The following KIF26B variants were observed in gnomAD, a reference collection of about 807,000 sequenced individuals.
KIF26B encodes the protein kinesin-like protein KIF26B.
Under a neutral mutation model 151.2 loss-of-function variants are expected in KIF26B, and 63 were observed. The observed-to-expected ratio is 0.42, with a 90% CI of 0.34 to 0.51. The LOEUF (loss-of-function observed/expected upper bound fraction) is 0.51. Among genes scored for constraint, KIF26B ranks in the 20% least tolerant of loss-of-function variants. The pLI is 0.07. For synonymous variants in KIF26B, 1,357 were observed against 1,262.1 expected (o/e 1.08, Z -1.59); for missense variants, 2,813 against 2,913.6 (o/e 0.97, Z 0.79).
intron 2 of KIF26B, among the ~76,000 whole-genome samples, chr1:245,247,983 G>A (rs1369052340): frequency 6.6e-6 from 1 of 152,174 alleles, no homozygotes; most frequent in African/African-American, 2.4e-5. Flanking sequence ...GTCTCACTGG[G>A]TGATAAGGGA....
chr1:245,481,027 A>G (rs1035766307), intron 4 of KIF26B, among the ~76,000 whole-genome samples: 1 of 151,792 alleles, frequency 6.6e-6, no homozygotes. Context: ...TTTGGCAACA[A>G]TGACCATATG....
At chr1:245,331,986 C>T (rs1405928989) in intron 2 of KIF26B, among the ~76,000 whole-genome samples, 2 of 151,984 alleles carry the variant, frequency 1.3e-5, no homozygotes, top group East Asian at 1.9e-4. Flanking sequence ...ATCAGCCGGG[C>T]GTGGTGGTGG....
intron 10 of KIF26B, among the ~76,000 whole-genome samples, chr1:245,678,811 T>C (rs1481572451): frequency 2.0e-5 from 3 of 151,296 alleles, no homozygotes; most frequent in Non-Finnish European, 2.9e-5. Flanking sequence ...TGCCGTGAGC[T>C]GAGATCACAC....
intron 3 of KIF26B, among the ~76,000 whole-genome samples, chr1:245,374,361 G>C (rs1252424926): frequency 1.3e-5 from 2 of 151,550 alleles, no homozygotes; most frequent in African/African-American, 2.4e-5. Flanking sequence ...TGGCTTCGTG[G>C]AAAGCAGAAG....
chr1:245,162,396 T>C (rs887371580), intron 2 of KIF26B, among the ~76,000 whole-genome samples: 1 of 141,100 alleles, frequency 7.1e-6, no homozygotes, highest in Non-Finnish European at 1.5e-5. Context: ...TTTTTTTTTT[T>C]TTTTTTTGAG....
intron 2 of KIF26B, among the ~76,000 whole-genome samples, chr1:245,320,663 GT>G (rs752715410): frequency 6.6e-6 from 1 of 151,948 alleles, no homozygotes; most frequent in East Asian, 1.9e-4. Flanking sequence ...TTTTGTTGTT[GT>G]TTTTGTTTTG....
At chr1:245,295,819 C>T (rs1671327135) in intron 2 of KIF26B, among the ~76,000 whole-genome samples, 1 of 152,158 alleles carries the variant, frequency 6.6e-6, no homozygotes. Flanking sequence ...GCCTGAGAAA[C>T]TCTTTGGGCT....
At chr1:245,402,907 C>A (rs1297094337) in intron 3 of KIF26B, among the ~76,000 whole-genome samples, 1 of 152,192 alleles carries the variant, frequency 6.6e-6, no homozygotes, top group African/African-American at 2.4e-5. Context: ...CTCCTAGCAT[C>A]TGACACAACT....
intron 2 of KIF26B, among the ~76,000 whole-genome samples, chr1:245,270,732 C>T (rs780082572): frequency 2.0e-5 from 3 of 152,150 alleles, no homozygotes; most frequent in Non-Finnish European, 4.4e-5. Context: ...TACCTTTTCA[C>T]TCTGTTGATG....
At chr1:245,583,976 T>C (rs879223) in intron 5 of KIF26B, among the ~76,000 whole-genome samples, 16,107 of 152,240 alleles carry the variant, frequency 0.11, 940 homozygotes, top group Middle Eastern at 0.18. Context: ...CTGGGGAAAT[T>C]ATCCTAAGTC....
chr1:245,678,088 G>A (rs1051872380), intron 10 of KIF26B, among the ~76,000 whole-genome samples: 12 of 152,362 alleles, frequency 7.9e-5, no homozygotes, highest in Admixed American at 4.6e-4. Flanking sequence ...CAAAAGAAAA[G>A]GATCTTCACA....
In KIF26B at chr1:245,688,387, C is replaced by A. The variant is rs1192645630; in HGVS notation, c.5404C>A (p.Arg1802=). ...GGGCCTGGCCTCCAAGCTTCCCCTG[C>A]GGGCCGTCAGCGGGCGCATCTCGGA... ...SSGLASKLPL[R]AVSGRISELL... Residue 1802 remains arginine (R), a synonymous_variant, in exon 12 of 15, where the codon CGG becomes AGG. Transcript: ENST00000407071. The A allele has an allele frequency of 3.3e-6, 5 of 1,520,396 alleles. No homozygotes were observed. The highest frequency in any genetic ancestry group is 1.2e-5 in the South Asian group (1 of 81,636). 94.2% of individuals were successfully genotyped at this position (1,520,396 alleles called of 1,614,324 possible).
intron 5 of KIF26B, among the ~76,000 whole-genome samples, chr1:245,565,630 C>T (rs980506098): frequency 1.2e-4 from 19 of 152,156 alleles, no homozygotes; most frequent in African/African-American, 3.9e-4. Context: ...GTGTTGCTTG[C>T]ATGTGAGTTC....
rs569560649 is a variant in KIF26B, at chr1:245,461,747, G to A, written c.1166+42002G>A. 5.2e-4 allele frequency among the ~76,000 whole-genome samples: 79 copies of A among 152,240 alleles called. 2 individuals are homozygous for A. The highest frequency in any genetic ancestry group is 5.0e-3 in the South Asian group (24 of 4,820). On this transcript the variant is annotated intron_variant, in intron 4 of 14. Transcript: ENST00000407071. Reference sequence around the variant, plus strand: ...TTGGCTGCAAGAATGGCTAAGCAGCGCACTCTCTTCAGACAAGAATAGTAT... The same window carrying A: ...TTGGCTGCAAGAATGGCTAAGCAGCACACTCTCTTCAGACAAGAATAGTAT...
chr1:245,296,926 C>G (rs1671347164), intron 2 of KIF26B, among the ~76,000 whole-genome samples: 1 of 152,192 alleles, frequency 6.6e-6, no homozygotes, highest in Admixed American at 6.5e-5. Context: ...CGCTTAAGAG[C>G]AACACAGGCC....
intron 4 of KIF26B, among the ~76,000 whole-genome samples, chr1:245,528,442 A>C (rs980900110): frequency 6.6e-6 from 1 of 152,148 alleles, no homozygotes; most frequent in Admixed American, 6.5e-5. Flanking sequence ...CTCATTGTCC[A>C]ACGTACTTCT....
chr1:245,477,461 G>T (rs890187482), intron 4 of KIF26B, among the ~76,000 whole-genome samples: 1 of 151,798 alleles, frequency 6.6e-6, no homozygotes, highest in African/African-American at 2.4e-5. Flanking sequence ...AACACAGTAG[G>T]TTAGTCAATC....
chr1:245,563,285 A>G lies in KIF26B; in HGVS notation c.1350+22335A>G, dbSNP rs915693354. Among the ~76,000 whole-genome samples, 1 of 152,052 alleles carries G rather than the reference A, an allele frequency of 6.6e-6. No homozygotes were observed. The highest frequency in any genetic ancestry group is 2.1e-4 in the South Asian group (1 of 4,806). On this transcript the variant is annotated intron_variant, in intron 5 of 14. Transcript: ENST00000407071. This position sits in a 1 kb window ranked among gnomAD's most constrained non-coding sequence, Gnocchi z 4.6. Reference sequence around the variant, plus strand: ...CTGTTTCCACCCATTTCCCTTATTCACTAAACAACCCGTTTCCACCCATTT... The same window carrying G: ...CTGTTTCCACCCATTTCCCTTATTCGCTAAACAACCCGTTTCCACCCATTT...
rs374777159 is a variant in KIF26B, at chr1:245,698,118, G to A, written c.5837G>A (p.Arg1946Gln). 27 of 1,613,608 alleles carry A rather than the reference G, an allele frequency of 1.7e-5. No individual in the cohort carries two copies. The highest frequency in any genetic ancestry group is 5.3e-5 in the African/African-American group (4 of 74,910). ...TCCCCCTCCTCAGGTTCTCAGAGAC[G>A]GAGGCTTATCCCAGCACTATCCCTG... ...KKRSNPGSQR[R>Q]RLIPALSLDT... The change falls in exon 13 of 15, where the codon CGG (arginine) becomes CAG (glutamine). Residue 1946 changes from arginine to glutamine, a missense_variant. Transcript: ENST00000407071. This position sits in a 1 kb window ranked among gnomAD's most constrained non-coding sequence, Gnocchi z 4.0.
Sources: allele counts gnomAD v4.1 joint callset (sites outside exome capture counted in the v4.1 genomes callset), GRCh38; gene constraint gnomAD v4.1.1; non-coding constraint Gnocchi (gnomAD v3.1); transcripts MANE v1.5; gene names NCBI Gene and HGNC (gene_info 2026-07-23, HGNC 2026-07-21).